DTNB: variants seen among roughly 807,000 people sequenced by gnomAD.
The protein encoded by DTNB is dystrobrevin beta, also known as DTN-B.
DTNB carries 63 observed loss-of-function variants against 90.7 expected under a neutral mutation model. That is an observed-to-expected ratio of 0.69 (90% CI 0.57 to 0.86). The LOEUF is 0.86. DTNB is among the 40% of genes least tolerant of loss of function. The pLI, the probability that DTNB is intolerant of heterozygous loss-of-function variation, is 0.00. For missense variants in DTNB, 744 were observed against 807.1 expected (o/e 0.92, Z 0.95); for synonymous variants, 277 against 286.7 (o/e 0.97, Z 0.34).
intron 11 of DTNB, among the ~76,000 whole-genome samples, chr2:25,452,881 C>T (rs1023198533): frequency 6.6e-6 from 1 of 151,660 alleles, no homozygotes; most frequent in Non-Finnish European, 1.5e-5. Flanking sequence ...TGCAAATATC[C>T]ATCTTCAGGA....
intron 2 of DTNB, among the ~76,000 whole-genome samples, chr2:25,641,934 C>T (rs936644014): frequency 5.9e-5 from 9 of 152,172 alleles, no homozygotes; most frequent in Non-Finnish European, 1.5e-5. Context: ...CATTCTCCTG[C>T]CTCAGCCTCC....
rs1324574442 is a variant in DTNB, at chr2:25,424,235, C to G, written c.1554+3300G>C. 6.6e-6 allele frequency among the ~76,000 whole-genome samples: 1 copy of G among 152,182 alleles called. No homozygotes were observed. Among genetic ancestry groups the G allele is most frequent in the Non-Finnish European group, 1.5e-5 (1 of 68,042 alleles). On this transcript the variant is annotated intron_variant, in intron 15 of 20. Coordinates refer to ENST00000406818, the MANE Select transcript of DTNB (RefSeq NM_021907.5). This position sits in a 1 kb window ranked among gnomAD's most constrained non-coding sequence, Gnocchi z 4.1. Reference sequence around the variant, plus strand: ...TTCCTCCCAGTCTGAACAGCCTTAGCCTGTCAGACGGGTAAATGATATTTA... The same window carrying G: ...TTCCTCCCAGTCTGAACAGCCTTAGGCTGTCAGACGGGTAAATGATATTTA...
chr2:25,455,506 G>A lies in DTNB; in HGVS notation c.1080-12C>T, dbSNP rs1266702063. 6.3e-6 allele frequency: 10 copies of A among 1,599,450 alleles called. No homozygotes were observed. The highest frequency in any genetic ancestry group is 8.5e-6 in the Non-Finnish European group (10 of 1,172,904). ...GGCTATACTGTAACCTAGGAACAAT[G>A]GAGGCAAAGACAGCAAGCGTGACAC... On this transcript the variant is annotated splice_polypyrimidine_tract_variant and intron_variant, in intron 10 of 20. Coordinates refer to ENST00000406818, the MANE Select transcript of DTNB (RefSeq NM_021907.5).
chr2:25,551,756 A>C (rs939779226), intron 8 of DTNB, among the ~76,000 whole-genome samples: 1 of 152,226 alleles, frequency 6.6e-6, no homozygotes, highest in African/African-American at 2.4e-5. Context: ...AACCATCTTG[A>C]AACTGGATCT....
chr2:25,461,020 C>T (rs530127722), intron 10 of DTNB, among the ~76,000 whole-genome samples: 1 of 152,108 alleles, frequency 6.6e-6, no homozygotes, highest in Non-Finnish European at 1.5e-5. Context: ...TCTCTTGCCT[C>T]AGCCTCCTGA....
chr2:25,599,891 G>A (rs1303413747), intron 5 of DTNB, among the ~76,000 whole-genome samples: 1 of 152,058 alleles, frequency 6.6e-6, no homozygotes, highest in African/African-American at 2.4e-5. Context: ...GAGCCCAGGA[G>A]TTCAAGGCCA....
intron 8 of DTNB, among the ~76,000 whole-genome samples, chr2:25,540,846 T>C (rs1021135147): frequency 2.6e-5 from 4 of 152,046 alleles, no homozygotes; most frequent in Non-Finnish European, 4.4e-5. Context: ...GAAGGCAGCA[T>C]GCTCGTTAAG....
At chr2:25,539,761 G>T (rs1346319339) in intron 8 of DTNB, among the ~76,000 whole-genome samples, 2 of 151,528 alleles carry the variant, frequency 1.3e-5, no homozygotes, top group Non-Finnish European at 2.9e-5. Flanking sequence ...TTTATATTCT[G>T]TTCTTTTTGT....
At chr2:25,407,236 T>TG (rs1214353703) in intron 16 of DTNB, among the ~76,000 whole-genome samples, 1 of 152,202 alleles carries the variant, frequency 6.6e-6, no homozygotes. Context: ...ACCTTACCCC[T>TG]GCAAGAATCG....
intron 4 of DTNB, among the ~76,000 whole-genome samples, chr2:25,612,729 G>A (rs2148568872): frequency 6.6e-6 from 1 of 151,932 alleles, no homozygotes; most frequent in South Asian, 2.1e-4. Context: ...TATTAAGAGG[G>A]GATATCACCA....
At chr2:25,634,399 C>A (rs1235868996) in intron 3 of DTNB, among the ~76,000 whole-genome samples, 1 of 144,374 alleles carries the variant, frequency 6.9e-6, no homozygotes, top group Non-Finnish European at 1.5e-5. Context: ...GTCAGCCCCC[C>A]CGCCCGGCCA....
In DTNB at chr2:25,622,029, A is replaced by AT. The variant is rs564913378; in HGVS notation, c.362+6141dup. Among the ~76,000 whole-genome samples the AT allele has an allele frequency of 2.4e-3, 341 of 144,950 alleles. 1 individual carries two copies. Among genetic ancestry groups the AT allele is most frequent in the East Asian group, 0.017 (88 of 5,040 alleles). ...CCAAACTAGTTTCATTAGATACATC[A>AT]TTTTTTTTTTTTACCAGTTTATTCC... On this transcript the variant is annotated intron_variant, in intron 4 of 20. Transcript: ENST00000406818.
chr2:25,483,950 G>A (rs1006585451), intron 9 of DTNB, among the ~76,000 whole-genome samples: 5 of 152,172 alleles, frequency 3.3e-5, no homozygotes, highest in African/African-American at 1.2e-4. Flanking sequence ...ATACCCTTGT[G>A]TAACAGTTGC....
At chr2:25,433,066 T>C in intron 13 of DTNB, 67 bp from the exon 14 acceptor site, 1 of 1,447,018 alleles carries the variant, frequency 6.9e-7, no homozygotes, top group Non-Finnish European at 9.2e-7. Flanking sequence ...TCTTTCCCTA[T>C]TACAACTTTT....
chr2:25,494,174 A>G (rs1241953779), intron 9 of DTNB, among the ~76,000 whole-genome samples: 3 of 152,184 alleles, frequency 2.0e-5, no homozygotes, highest in African/African-American at 7.2e-5. Flanking sequence ...AATTCTCACT[A>G]CTACTCATGG....
chr2:25,378,425 T>C (rs1389260472), intron 20 of DTNB, among the ~76,000 whole-genome samples: 3 of 152,144 alleles, frequency 2.0e-5, no homozygotes, highest in Admixed American at 2.0e-4. Flanking sequence ...AGGCCTTCAA[T>C]GGCCTGGCGC....
chr2:25,500,866 G>T (rs1238895761), intron 9 of DTNB, among the ~76,000 whole-genome samples: 1 of 152,318 alleles, frequency 6.6e-6, no homozygotes, highest in Middle Eastern at 3.4e-3. Context: ...AGAAAATGAA[G>T]AATCATAGTG....
At chr2:25,446,365 C>T (rs2058428118) in intron 12 of DTNB, among the ~76,000 whole-genome samples, 2 of 151,892 alleles carry the variant, frequency 1.3e-5, no homozygotes, top group Admixed American at 6.6e-5. Flanking sequence ...GCCTCCCAAG[C>T]AGCTGTGACT....
intron 10 of DTNB, among the ~76,000 whole-genome samples, chr2:25,463,132 C>T (rs1177859115): frequency 1.3e-5 from 2 of 152,178 alleles, no homozygotes; most frequent in African/African-American, 4.8e-5. Context: ...CTTGGGTGCC[C>T]AATGGGCATT....
Sources: allele counts gnomAD v4.1 joint callset (sites outside exome capture counted in the v4.1 genomes callset), GRCh38; gene constraint gnomAD v4.1.1; non-coding constraint Gnocchi (gnomAD v3.1); transcripts MANE v1.5; gene names NCBI Gene and HGNC (gene_info 2026-07-23, HGNC 2026-07-21).